PIP4K2B: variants seen among roughly 807,000 people sequenced by gnomAD.
The protein encoded by PIP4K2B is phosphatidylinositol-5-phosphate 4-kinase type 2 beta, also known as phosphatidylinositol 5-phosphate 4-kinase type-2 beta.
A neutral mutation model predicts 42.0 loss-of-function variants in PIP4K2B; 3 were observed. The ratio of observed to expected loss-of-function variants is 0.07; its 90% CI spans 0.03 to 0.18. PIP4K2B has a LOEUF of 0.18. PIP4K2B is among the 10% of genes least tolerant of loss of function. The pLI, the probability that PIP4K2B is intolerant of heterozygous loss-of-function variation, is 1.00. For missense variants in PIP4K2B, 332 were observed against 562.3 expected (o/e 0.59, Z 4.14); for synonymous variants, 204 against 210.1 (o/e 0.97, Z 0.25).
chr17:38,785,687 C>T (rs1416550993), intron 2 of PIP4K2B, among the ~76,000 whole-genome samples: 1 of 151,972 alleles, frequency 6.6e-6, no homozygotes, highest in African/African-American at 2.4e-5. Flanking sequence ...CAAAACAACA[C>T]CAATAACAAC....
intron 1 of PIP4K2B, among the ~76,000 whole-genome samples, chr17:38,796,574 C>T (rs1910669958): frequency 6.6e-6 from 1 of 152,176 alleles, no homozygotes; most frequent in Admixed American, 6.5e-5. Flanking sequence ...TGATTTTTCT[C>T]CTTGTTTCCT....
rs746600285 is a variant in PIP4K2B at position 38,771,167 on chromosome 17, C to T, written c.913G>A (p.Glu305Lys). The T allele has an allele frequency of 4.3e-6, 7 of 1,614,018 alleles. No individual in the cohort carries two copies. Among genetic ancestry groups the T allele is most frequent in the Non-Finnish European group, 5.1e-6 (6 of 1,180,032 alleles). The stretch of plus-strand genomic sequence containing the variant: ...CCCACCCCATCATTCTCACACTCCT[C>T]GTCCTCTGCCCGCTCCTCCACCTCC... ...EMEVEERAED[E>K]ECENDGVGGN... The change falls in exon 8 of 10, where the codon GAG becomes AAG. Residue 305 changes from glutamate to lysine, a missense_variant. Glu to Lys is a moderately conservative substitution (Grantham distance 56). Coordinates refer to ENST00000619039, the MANE Select transcript of PIP4K2B (RefSeq NM_003559.5).
In PIP4K2B at chr17:38,778,350, G is replaced by A. The variant is rs1158034817; in HGVS notation, c.677C>T (p.Ala226Val). 4.3e-6 allele frequency: 7 copies of A among 1,613,924 alleles called. No homozygotes were observed. Among genetic ancestry groups the A allele is most frequent in the Non-Finnish European group, 5.9e-6 (7 of 1,179,974 alleles). Reference sequence around the variant, plus strand: ...CCAGCATACCTTCTCCTTGTCGCTCGCTTCTCTGGCAACCGTAGAACCCTG... The same window carrying A: ...CCAGCATACCTTCTCCTTGTCGCTCACTTCTCTGGCAACCGTAGAACCCTG... ...DLKGSTVARE[A>V]SDKEKAKDLP... is the part of the protein sequence containing the mutation. The change falls in exon 6 of 10, where the codon GCG becomes GTG. Residue 226 changes from alanine (A) to valine (V), a missense_variant. This residue lies in a region of PIP4K2B where 16 missense variants were observed against 57.0 expected (regional missense o/e 0.28). Coordinates refer to ENST00000619039, the MANE Select transcript of PIP4K2B (RefSeq NM_003559.5).
intron 1 of PIP4K2B, among the ~76,000 whole-genome samples, chr17:38,798,469 A>G (rs529476913): frequency 1.3e-5 from 2 of 152,308 alleles, no homozygotes; most frequent in Admixed American, 1.3e-4. Flanking sequence ...TATCTCTCCT[A>G]TCTAGGACCA....
In PIP4K2B at chr17:38,799,188, C is replaced by T. The variant is rs984290210; in HGVS notation, c.159+78G>A. 2.9e-5 allele frequency: 41 copies of T among 1,409,214 alleles called. No individual in the cohort carries two copies. The Middle Eastern group carries it at 5.8e-4, about 20-fold the overall frequency. 87.3% of individuals were successfully genotyped at this position (1,409,214 alleles called of 1,614,324 possible). ...TGGCAGGCGTCACCGGCAGGGCCTG[C>T]GGGGCAAGGGCCCAGGGCTGCAGGG... On this transcript the variant is annotated intron_variant, in intron 1 of 9. Coordinates refer to ENST00000619039, the MANE Select transcript of PIP4K2B (RefSeq NM_003559.5). The surrounding 1 kb of genome is among the most constrained non-coding windows in gnomAD (Gnocchi z 4.4).
chr17:38,773,554 A>G (rs141215168), intron 7 of PIP4K2B, among the ~76,000 whole-genome samples: 1 of 152,306 alleles, frequency 6.6e-6, no homozygotes, highest in Non-Finnish European at 1.5e-5. Context: ...GCTAATAATG[A>G]GGCAAGAGTG....
intron 3 of PIP4K2B, 33 bp from the exon 4 acceptor site, chr17:38,780,637 G>A (rs752266564): frequency 3.4e-5 from 55 of 1,596,562 alleles, no homozygotes; most frequent in Middle Eastern, 1.7e-4. Flanking sequence ...GCTGGGCTTG[G>A]CAGGGGAACA....
intron 1 of PIP4K2B, among the ~76,000 whole-genome samples, chr17:38,794,878 T>C (rs553818830): frequency 4.0e-5 from 6 of 151,062 alleles, no homozygotes; most frequent in African/African-American, 7.3e-5. Context: ...GGCGGGGGGA[T>C]TGCTTGAGGC....
intron 1 of PIP4K2B, among the ~76,000 whole-genome samples, chr17:38,797,425 T>C (rs557055903): frequency 1.3e-5 from 2 of 152,234 alleles, no homozygotes; most frequent in South Asian, 4.1e-4. Context: ...TCCTGAGACT[T>C]GGCTGAGGGA....
At chr17:38,771,318 C>T (rs1050603321) in intron 7 of PIP4K2B, 46 bp from the exon 8 acceptor site, 2 of 1,603,924 alleles carry the variant, frequency 1.2e-6, no homozygotes, top group Admixed American at 3.3e-5. Flanking sequence ...AGAGGTTACA[C>T]AGGACATCCC....
chr17:38,799,478 A>G lies in PIP4K2B; in HGVS notation c.-54T>C. 1 of 1,492,412 alleles carries G rather than the reference A, an allele frequency of 6.7e-7. No homozygotes were observed. The highest frequency in any genetic ancestry group is 8.8e-7 in the Non-Finnish European group (1 of 1,129,956). 92.4% of individuals were successfully genotyped at this position (1,492,412 alleles called of 1,614,324 possible). A position where few individuals can be genotyped will look rare whatever the true frequency, so the allele number is the denominator to read the frequency against. The stretch of plus-strand genomic sequence containing the variant: ...GAGGGGGGCGGCGGAGACAGCGCAC[A>G]AGCCAGCGGCCTCAGGCCTCCCCCG... On this transcript the variant is annotated 5_prime_UTR_variant, in exon 1 of 10. Transcript: ENST00000619039. The surrounding 1 kb of genome is among the most constrained non-coding windows in gnomAD (Gnocchi z 4.4).
chr17:38,786,401 C>A (rs1433356067), intron 2 of PIP4K2B, among the ~76,000 whole-genome samples: 4 of 152,186 alleles, frequency 2.6e-5, no homozygotes, highest in Admixed American at 6.5e-5. Flanking sequence ...CTGCCTGTTG[C>A]TCATACACCA....
chr17:38,771,067 C>G lies in PIP4K2B; in HGVS notation c.1013G>C (p.Gly338Ala). 1 of 1,614,128 alleles carries G rather than the reference C, an allele frequency of 6.2e-7. No homozygotes were observed. The highest frequency in any genetic ancestry group is 8.5e-7 in the Non-Finnish European group (1 of 1,180,028). ...GNLLSFPRFF[G>A]PGEFDPSVDV... ...AACAGAGGGGTCGAATTCCCCAGGA[C>G]CAAAGAACCGAGGAAAGCTGAGGAG... The change falls in exon 8 of 10, where the codon GGT becomes GCT. Residue 338 changes from glycine to alanine, a missense_variant. Coordinates refer to ENST00000619039, the MANE Select transcript of PIP4K2B (RefSeq NM_003559.5).
At chr17:38,780,739 C>T in intron 3 of PIP4K2B, 135 bp from the exon 4 acceptor site, 1 of 759,886 alleles carries the variant, frequency 1.3e-6, no homozygotes, top group Non-Finnish European at 2.1e-6. Flanking sequence ...TGGGAGTTTA[C>T]CCTCCCCTTT....
intron 5 of PIP4K2B, 97 bp downstream of exon 5, chr17:38,779,286 G>T: frequency 8.0e-7 from 1 of 1,242,472 alleles, no homozygotes; most frequent in Non-Finnish European, 1.2e-6. Context: ...CCAACACATA[G>T]GCTCCAGCTT....
chr17:38,798,840 T>C (rs961146689), intron 1 of PIP4K2B, among the ~76,000 whole-genome samples: 3 of 152,094 alleles, frequency 2.0e-5, no homozygotes, highest in African/African-American at 7.2e-5. Flanking sequence ...GAGAGGACTA[T>C]TTGGGCAGAC....
chr17:38,786,672 C>G, intron 2 of PIP4K2B, 151 bp downstream of exon 2: 1 of 681,752 alleles, frequency 1.5e-6, no homozygotes, highest in South Asian at 1.7e-5. Flanking sequence ...ATGCATTTTC[C>G]TAGCCAGTTT....
intron 3 of PIP4K2B, among the ~76,000 whole-genome samples, chr17:38,783,495 G>A (rs73985007): frequency 0.02 from 3,022 of 152,248 alleles, 103 homozygotes; most frequent in African/African-American, 0.068. Flanking sequence ...AGTTTAGGAG[G>A]TGACACTCAT....
rs1908886009 is a variant in PIP4K2B, at chr17:38,769,456, C to G, written c.*235G>C. On this transcript the variant is annotated 3_prime_UTR_variant, in exon 10 of 10. Transcript: ENST00000619039. ...TGGGTGTCAAATGGGGAGAAAAAAT[C>G]AAGGGTAAGCAGAAGGTGGGGTTAC... 2 of 506,260 alleles carry G rather than the reference C, an allele frequency of 4.0e-6. No homozygotes were observed. The allele number at this position is 506,260 out of a possible 1,614,324, so 31.4% of individuals were successfully genotyped here. A position where few individuals can be genotyped will look rare whatever the true frequency, so the allele number is the denominator to read the frequency against.
Sources: allele counts gnomAD v4.1 joint callset (sites outside exome capture counted in the v4.1 genomes callset), GRCh38; gene constraint gnomAD v4.1.1; regional missense constraint gnomAD v4.1.1; non-coding constraint Gnocchi (gnomAD v3.1); transcripts MANE v1.5; gene names NCBI Gene and HGNC (gene_info 2026-07-23, HGNC 2026-07-21).